The following SARAF variants were observed in gnomAD, a reference collection of about 807,000 sequenced individuals.
SARAF encodes store-operated calcium entry associated regulatory factor, also known as store-operated calcium entry-associated regulatory factor.
Under a neutral mutation model 39.7 loss-of-function variants are expected in SARAF, and 23 were observed. The observed-to-expected ratio is 0.58, with a 90% CI of 0.42 to 0.82. The LOEUF is 0.82. SARAF is among the 40% of genes least tolerant of loss of function. The probability of loss-of-function intolerance (pLI) is 0.00; values close to 1 mark genes in which losing one functional copy is unlikely to be tolerated. For missense variants in SARAF, 384 were observed against 418.5 expected (o/e 0.92, Z 0.72); for synonymous variants, 175 against 168.5 (o/e 1.04, Z -0.30).
At chr8:30,080,414 A>G (rs1426636739) in intron 1 of SARAF, among the ~76,000 whole-genome samples, 2 of 152,186 alleles carry the variant, frequency 1.3e-5, no homozygotes, top group East Asian at 3.8e-4. Flanking sequence ...CCTAACAGTG[A>G]CTTCCCTGAC....
intron 2 of SARAF, among the ~76,000 whole-genome samples, chr8:30,071,814 T>C (rs374648261): frequency 3.9e-4 from 42 of 107,996 alleles, no homozygotes; most frequent in African/African-American, 1.4e-3. Context: ...TAAATAATAT[T>C]TCTTTGCATG....
At chr8:30,082,574 G>A in intron 1 of SARAF, 1 of 375,582 alleles carries the variant, frequency 2.7e-6, no homozygotes, top group Non-Finnish European at 4.8e-6. Flanking sequence ...ACGACAATGG[G>A]CAAATTCCGG....
chr8:30,064,694 C>T (rs1388107694), intron 5 of SARAF, among the ~76,000 whole-genome samples: 1 of 151,112 alleles, frequency 6.6e-6, no homozygotes, highest in Non-Finnish European at 1.5e-5. Context: ...TCCCAAATAG[C>T]TGGGATTACA....
intron 5 of SARAF, among the ~76,000 whole-genome samples, chr8:30,064,549 A>ATTTTTTTTTTTT (rs1285474401): frequency 1.4e-4 from 6 of 43,822 alleles, no homozygotes; most frequent in African/African-American, 4.5e-4. Context: ...ATATATATAT[A>ATTTTTTTTTTTT]TATATATATA....
intron 1 of SARAF, among the ~76,000 whole-genome samples, chr8:30,080,470 C>T (rs1310038854): frequency 1.1e-4 from 17 of 152,204 alleles, no homozygotes. Context: ...ACACCATGTC[C>T]TCCTTACGCT....
chr8:30,072,290 T>G (rs2117432244), intron 2 of SARAF, among the ~76,000 whole-genome samples: 1 of 152,338 alleles, frequency 6.6e-6, no homozygotes, highest in Middle Eastern at 3.4e-3. Flanking sequence ...TTACCTTGGT[T>G]GTTTTCTTAC....
chr8:30,079,994 CT>C (rs1802062153), intron 1 of SARAF, among the ~76,000 whole-genome samples: 1 of 152,166 alleles, frequency 6.6e-6, no homozygotes, highest in Admixed American at 6.5e-5. Context: ...CCAAACTCCC[CT>C]AAACCTGATC....
chr8:30,064,581 A>T (rs1270319864), intron 5 of SARAF, among the ~76,000 whole-genome samples: 51 of 9,986 alleles, frequency 5.1e-3, no homozygotes, highest in South Asian at 0.015. Flanking sequence ...TTTTTTTTTG[A>T]GACAGAGTTT....
In SARAF at chr8:30,082,943, C is replaced by T. The variant is rs1301369806; in HGVS notation, c.7G>A (p.Ala3Thr). Reference protein sequence around the residue: MAAACGPGAAGYC... With the variant: MATACGPGAAGYC... ...CCGGCCGCTCCCGGCCCGCAGGCTG[C>T]GGCCATGGCGCTCGATGAAGATGGC... Residue 3 changes from alanine (A) to threonine (T), a missense_variant, in exon 1 of 6, where the codon GCA becomes ACA. By Grantham distance (58) the Ala-to-Thr change is moderately conservative. Transcript: ENST00000256255. The T allele has an allele frequency of 5.8e-6, 9 of 1,542,628 alleles. No homozygotes were observed. The highest frequency in any genetic ancestry group is 7.9e-6 in the Non-Finnish European group (9 of 1,145,024).
rs1319036441 is a variant in SARAF at position 30,064,547 on chromosome 8, A to ATTTTTTT, written c.995-635_995-634insAAAAAAA. On this transcript the variant is annotated intron_variant, in intron 5 of 5. Coordinates refer to ENST00000256255, the MANE Select transcript of SARAF (RefSeq NM_016127.6). ...GTCTTACCTAGCCATATATATATAT[A>ATTTTTTT]TATATATATATATATTTTTTTTTTT... 2.3e-3 allele frequency among the ~76,000 whole-genome samples: 86 copies of ATTTTTTT among 37,006 alleles called. 20 individuals carry two copies. The highest frequency in any genetic ancestry group is 3.4e-3 in the Non-Finnish European group (68 of 20,260). 24.3% of individuals were successfully genotyped at this position (37,006 alleles called of 152,430 possible).
At chr8:30,064,037 GC>G (rs1801616086) in intron 5 of SARAF, 124 bp from the exon 6 acceptor site, 1 of 845,174 alleles carries the variant, frequency 1.2e-6, no homozygotes, top group Middle Eastern at 3.6e-4. Flanking sequence ...GAAAGAGTGT[GC>G]CACTAGGTGG....
Position 30,070,013 on chromosome 8 carries a change from G to C in SARAF, c.329C>G (p.Thr110Ser). Residue 110 changes from threonine to serine, a missense_variant, in exon 3 of 6, where the codon ACT becomes AGT. Coordinates refer to ENST00000256255, the MANE Select transcript of SARAF (RefSeq NM_016127.6). ...CTCATAGCCTTCACAGCTCACCACA[G>C]TTTTTCCAAATTTGTATGCAATATC... ...DLDIAYKFGK[T>S]VVSCEGYESS... The C allele has an allele frequency of 3.7e-6, 6 of 1,612,270 alleles. No individual in the cohort carries two copies. Among genetic ancestry groups the C allele is most frequent in the Non-Finnish European group, 5.1e-6 (6 of 1,179,614 alleles).
chr8:30,073,566 G>A (rs1439716927), intron 2 of SARAF: 1 of 220,234 alleles, frequency 4.5e-6, no homozygotes, highest in Non-Finnish European at 8.9e-6. Flanking sequence ...TTTGAGGAAC[G>A]ACAGGAAAAT....
rs1801676362 is a variant in SARAF at position 30,066,006 on chromosome 8, T to C, written c.976A>G (p.Lys326Glu). The change falls in exon 5 of 6, where the codon AAA (lysine) becomes GAA (glutamate). Residue 326 changes from lysine to glutamate, a missense_variant. Lys to Glu is a moderately conservative substitution (Grantham distance 56). Coordinates refer to ENST00000256255, the MANE Select transcript of SARAF (RefSeq NM_016127.6). Reference protein sequence around the residue: ...SYSVCSNSDTKTRTASGYGGT... With the variant: ...SYSVCSNSDTETRTASGYGGT... The stretch of plus-strand genomic sequence containing the variant: ...CTCTTACCTGATGCAGTTCTGGTTT[T>C]CGTGTCTGAGTTTGAACATACCGAA... The C allele has an allele frequency of 6.2e-7, 1 of 1,614,054 alleles. No homozygotes were observed. The highest frequency in any genetic ancestry group is 8.5e-7 in the Non-Finnish European group (1 of 1,180,030).
At chr8:30,066,960 T>A (rs769966338) in intron 3 of SARAF, 42 bp from the exon 4 acceptor site, 8 of 1,542,692 alleles carry the variant, frequency 5.2e-6, no homozygotes, top group South Asian at 1.1e-5. Context: ...CACTTAAACA[T>A]GACAGTCTAC....
intron 1 of SARAF, among the ~76,000 whole-genome samples, chr8:30,077,896 CTT>C (rs2117441643): frequency 6.6e-6 from 1 of 151,904 alleles, no homozygotes; most frequent in South Asian, 2.1e-4. Context: ...AATCCCAGCA[CTT>C]TGGGTGGCCG....
chr8:30,063,830 A>G lies in SARAF; in HGVS notation c.*58T>C, dbSNP rs759457803. The stretch of plus-strand genomic sequence containing the variant: ...AACAGGTAGTACTTTTTTTCTAAAG[A>G]GAAAGTGATGAAAAATCCAAAATTT... On this transcript the variant is annotated 3_prime_UTR_variant, in exon 6 of 6. Coordinates refer to ENST00000256255, the MANE Select transcript of SARAF (RefSeq NM_016127.6). The G allele has an allele frequency of 4.1e-6, 6 of 1,476,738 alleles. No individual in the cohort carries two copies. The East Asian group carries it at 1.4e-4, about 33-fold the overall frequency. 91.5% of individuals were successfully genotyped at this position (1,476,738 alleles called of 1,614,324 possible). A position where few individuals can be genotyped will look rare whatever the true frequency, so the allele number is the denominator to read the frequency against.
At chr8:30,071,134 A>G (rs914009828) in intron 2 of SARAF, among the ~76,000 whole-genome samples, 2 of 152,234 alleles carry the variant, frequency 1.3e-5, no homozygotes, top group Non-Finnish European at 2.9e-5. Context: ...TGAGGTCAGG[A>G]GTTCAAGAAC....
intron 1 of SARAF, among the ~76,000 whole-genome samples, chr8:30,075,216 C>T (rs1438640846): frequency 6.6e-6 from 1 of 151,364 alleles, no homozygotes; most frequent in Non-Finnish European, 1.5e-5. Context: ...AGGAGAATCG[C>T]TTGAACCTGG....
Sources: allele counts gnomAD v4.1 joint callset (sites outside exome capture counted in the v4.1 genomes callset), GRCh38; gene constraint gnomAD v4.1.1; transcripts MANE v1.5; gene names NCBI Gene and HGNC (gene_info 2026-07-23, HGNC 2026-07-21).